The following ITGA6 variants were observed in gnomAD, a reference collection of about 807,000 sequenced individuals.
The protein encoded by ITGA6 is integrin alpha-6.
In ITGA6, 63 loss-of-function variants were observed where a neutral mutation model predicts 133.6. That is an observed-to-expected ratio of 0.47 (90% CI 0.38 to 0.58). The LOEUF (loss-of-function observed/expected upper bound fraction) is 0.58, where lower values mean the gene tolerates loss of function less well. Ranked by LOEUF, ITGA6 falls within the 20% of genes least tolerant of loss-of-function variation. ITGA6 has a pLI of 0.00. For synonymous variants in ITGA6, 434 were observed against 482.0 expected (o/e 0.90, Z 1.30); for missense variants, 1,068 against 1,309.4 (o/e 0.82, Z 2.85).
At position 172,489,666 on chromosome 2, in the gene ITGA6, G is replaced by A. The variant is rs768511648; in HGVS notation, c.2679+8G>A. 63 of 1,610,382 alleles carry A rather than the reference G, an allele frequency of 3.9e-5. No individual in the cohort carries two copies. The highest frequency in any genetic ancestry group is 4.8e-5 in the Non-Finnish European group (57 of 1,176,964). On this transcript the variant is annotated splice_region_variant and intron_variant, in intron 20 of 25. Transcript: ENST00000684293. ...AACTCCCTGAACCTAACGGTATGTC[G>A]GTAGATTTATCTAATGTCTCCATAA...
At chr2:172,441,928 A>T (rs976870173) in intron 1 of ITGA6, among the ~76,000 whole-genome samples, 2 of 152,160 alleles carry the variant, frequency 1.3e-5, no homozygotes, top group Non-Finnish European at 2.9e-5. Flanking sequence ...CCAGCTAGCT[A>T]ATGTGTCTGT....
intron 25 of ITGA6, among the ~76,000 whole-genome samples, chr2:172,502,498 T>G (rs78441629): frequency 0.026 from 4,033 of 152,326 alleles, 177 homozygotes; most frequent in African/African-American, 0.093. Context: ...AACTTCCATT[T>G]CCTGCATGTC....
chr2:172,480,060 C>T lies in ITGA6; in HGVS notation c.1549+9C>T. The T allele has an allele frequency of 2.0e-6, 3 of 1,463,732 alleles. No individual in the cohort carries two copies. The highest frequency in any genetic ancestry group is 2.9e-6 in the Non-Finnish European group (3 of 1,043,148). 90.7% of individuals were successfully genotyped at this position (1,463,732 alleles called of 1,614,324 possible). A position where few individuals can be genotyped will look rare whatever the true frequency, so the allele number is the denominator to read the frequency against. Reference sequence around the variant, plus strand: ...TTATAATCCTTCAATATGTAAGTACCTAGTACCTTTAAAATATGTCTACTT... The same window carrying T: ...TTATAATCCTTCAATATGTAAGTACTTAGTACCTTTAAAATATGTCTACTT... On this transcript the variant is annotated intron_variant, in intron 11 of 25. Coordinates refer to ENST00000684293, the MANE Select transcript of ITGA6 (RefSeq NM_000210.4).
At chr2:172,496,480 A>G (rs1204718437) in intron 23 of ITGA6, among the ~76,000 whole-genome samples, 1 of 152,244 alleles carries the variant, frequency 6.6e-6, no homozygotes, top group Non-Finnish European at 1.5e-5. Context: ...ACTGTTTCCT[A>G]GAAGTGGAAA....
intron 1 of ITGA6, among the ~76,000 whole-genome samples, chr2:172,449,861 T>C (rs10202179): frequency 0.53 from 77,986 of 147,170 alleles, 22,910 homozygotes; most frequent in East Asian, 0.84. Flanking sequence ...GCAGAGGTTG[T>C]AGTGAGCCGA....
chr2:172,465,792 G>T, intron 2 of ITGA6, 129 bp downstream of exon 2: 1 of 1,279,082 alleles, frequency 7.8e-7, no homozygotes, highest in Non-Finnish European at 1.1e-6. Flanking sequence ...AGACTTGACT[G>T]TTTTTTATTT....
chr2:172,491,603 T>G lies in ITGA6; in HGVS notation c.2988+80T>G. ...CCCACACTCATGTCCTGAAGTCATG[T>G]GCTTTGGTGCTCATTTCCCTCATAG... On this transcript the variant is annotated intron_variant, in intron 23 of 25. Coordinates refer to ENST00000684293, the MANE Select transcript of ITGA6 (RefSeq NM_000210.4). The surrounding 1 kb of genome is among the most constrained non-coding windows in gnomAD (Gnocchi z 4.4). 1 of 917,718 alleles carries G rather than the reference T, an allele frequency of 1.1e-6. No homozygotes were observed. Among genetic ancestry groups the G allele is most frequent in the Admixed American group, 1.9e-5 (1 of 52,066 alleles). 56.8% of individuals were successfully genotyped at this position (917,718 alleles called of 1,614,324 possible).
In ITGA6 at chr2:172,471,905, AAAAG is replaced by A. The variant is rs901901033; in HGVS notation, c.775+805_775+808del. Among the ~76,000 whole-genome samples the A allele has an allele frequency of 3.6e-5, 5 of 140,058 alleles. 1 individual carries two copies. In the South Asian group the frequency reaches 6.8e-4, roughly 19 times the overall value. The allele number at this position is 140,058 out of a possible 152,430, so 91.9% of individuals were successfully genotyped here. On this transcript the variant is annotated intron_variant, in intron 5 of 25. Coordinates refer to ENST00000684293, the MANE Select transcript of ITGA6 (RefSeq NM_000210.4). Reference sequence around the variant, plus strand: ...AAATAGTAACCTGTTTAAAAAAAAAAAAAGAAAGTGAAGAAAAGTACCCAGATGT... The same window carrying A: ...AAATAGTAACCTGTTTAAAAAAAAAAAAAGTGAAGAAAAGTACCCAGATGT...
In ITGA6 at chr2:172,465,595, C is replaced by T. The variant is rs537188726; in HGVS notation, c.239C>T (p.Thr80Met). The T allele has an allele frequency of 5.0e-6, 8 of 1,614,232 alleles. No individual in the cohort carries two copies. In the South Asian group the frequency reaches 5.5e-5, roughly 11 times the overall value. ...EALPLQRANR[T>M]GGLYSCDITA... ...CTTCCACTGCAGAGAGCCAACAGAA[C>T]GGGAGGGCTGTACAGCTGCGACATC... is the stretch of plus-strand genomic sequence containing the variant. The change falls in exon 2 of 26, where the codon ACG becomes ATG. Residue 80 changes from threonine to methionine, a missense_variant. This residue lies in a region of ITGA6 where 142 missense variants were observed against 145.3 expected (regional missense o/e 0.98). Transcript: ENST00000684293.
At position 172,501,798 on chromosome 2, in the gene ITGA6, A is replaced by T; in HGVS notation, c.3141A>T (p.Lys1047Asn). ...GTGGTTTCTTCAAGAGAAATAAGAA[A>T]GATCATTATGATGCCACATATCACA... is the stretch of plus-strand genomic sequence containing the variant. Reference protein sequence around the residue: ...WKCGFFKRNKKDHYDATYHKA... With the variant: ...WKCGFFKRNKNDHYDATYHKA... The change falls in exon 25 of 26, where the codon AAA becomes AAT. Residue 1047 changes from lysine to asparagine, a missense_variant. This residue lies in a region of ITGA6 where 609 missense variants were observed against 707.2 expected (regional missense o/e 0.86). Transcript: ENST00000684293. The T allele has an allele frequency of 6.2e-7, 1 of 1,612,848 alleles. No homozygotes were observed. Among genetic ancestry groups the T allele is most frequent in the East Asian group, 2.2e-5 (1 of 44,866 alleles).
intron 1 of ITGA6, among the ~76,000 whole-genome samples, chr2:172,432,658 G>A (rs1188189139): frequency 1.3e-5 from 2 of 152,244 alleles, no homozygotes; most frequent in Non-Finnish European, 2.9e-5. Context: ...ATTTTTCAAA[G>A]GCGGGGGGTT....
At chr2:172,454,925 G>C (rs1422324854) in intron 1 of ITGA6, among the ~76,000 whole-genome samples, 13 of 152,054 alleles carry the variant, frequency 8.5e-5, no homozygotes, top group African/African-American at 2.9e-4. Flanking sequence ...GAAATAATCT[G>C]TACAGCAAAC....
At chr2:172,464,900 T>C (rs1685581793) in intron 1 of ITGA6, among the ~76,000 whole-genome samples, 1 of 151,364 alleles carries the variant, frequency 6.6e-6, no homozygotes, top group African/African-American at 2.4e-5. Context: ...ACCTCAAATA[T>C]ATCTGCTTTT....
chr2:172,446,908 A>T (rs1276159762), intron 1 of ITGA6, among the ~76,000 whole-genome samples: 1 of 151,888 alleles, frequency 6.6e-6, no homozygotes, highest in Non-Finnish European at 1.5e-5. Context: ...TTTATTTTTA[A>T]TTTTTTTGAG....
chr2:172,488,511 G>A (rs1416554932), intron 19 of ITGA6, among the ~76,000 whole-genome samples: 2 of 152,154 alleles, frequency 1.3e-5, no homozygotes, highest in Non-Finnish European at 2.9e-5. Flanking sequence ...CACTGCTTGT[G>A]GTTGAAAGAA....
At chr2:172,444,277 G>T (rs929210943) in intron 1 of ITGA6, among the ~76,000 whole-genome samples, 2 of 152,168 alleles carry the variant, frequency 1.3e-5, no homozygotes, top group Non-Finnish European at 2.9e-5. Flanking sequence ...GCTTTCTGGA[G>T]GTAGTAGCTG....
chr2:172,460,647 G>A (rs555096496), intron 1 of ITGA6, among the ~76,000 whole-genome samples: 12 of 152,208 alleles, frequency 7.9e-5, no homozygotes, highest in East Asian at 3.9e-4. Flanking sequence ...GCTTTCTACC[G>A]TTAAGTCTTT....
chr2:172,494,343 C>CA (rs1051566059), intron 23 of ITGA6, among the ~76,000 whole-genome samples: 7 of 151,974 alleles, frequency 4.6e-5, no homozygotes, highest in South Asian at 4.1e-4. Flanking sequence ...CCCATCTCTA[C>CA]AAAAAAATAC....
rs1431421355 is a variant in ITGA6 at position 172,489,645 on chromosome 2, C to A, written c.2666C>A (p.Ser889Tyr). ...TGTGAGCCACAAAAGGAGATAAACT[C>A]CCTGAACCTAACGGTATGTCGGTAG... ...VTCEPQKEIN[S>Y]LNLTESHNSR... Residue 889 changes from serine to tyrosine, a missense_variant, in exon 20 of 26, where the codon TCC becomes TAC. Transcript: ENST00000684293. 1.2e-6 allele frequency: 2 copies of A among 1,613,670 alleles called. No individual in the cohort carries two copies. Among genetic ancestry groups the A allele is most frequent in the Non-Finnish European group, 8.5e-7 (1 of 1,179,660 alleles).
Sources: gnomAD v4.1 joint callset for allele counts (sites outside exome capture counted in the v4.1 genomes callset) on GRCh38, gnomAD v4.1.1 for gene constraint, gnomAD v4.1.1 regional missense constraint, Gnocchi (gnomAD v3.1) non-coding constraint, MANE v1.5 for transcripts, NCBI Gene and HGNC (gene_info 2026-07-23, HGNC 2026-07-21) for gene names.